Variants in DNAJC2 observed in about 807,000 individuals in gnomAD.
DNAJC2 encodes the protein DnaJ heat shock protein family (Hsp40) member C2.
DNAJC2 carries 32 observed loss-of-function variants against 94.0 expected under a neutral mutation model. That is an observed-to-expected ratio of 0.34 (90% CI 0.26 to 0.46). DNAJC2 has a LOEUF of 0.46. DNAJC2 is among the 20% of genes least tolerant of loss of function. The pLI, the probability that DNAJC2 is intolerant of heterozygous loss-of-function variation, is 1.00. For missense variants in DNAJC2, 550 were observed against 719.5 expected, an observed-to-expected ratio of 0.76 and a Z score of 2.69; for synonymous variants, 210 against 229.7, an observed-to-expected ratio of 0.91 and a Z score of 0.77.
chr7:103,339,745 G>GC (rs917806355), intron 2 of DNAJC2, among the ~76,000 whole-genome samples: 1 of 152,018 alleles, frequency 6.6e-6, no homozygotes, highest in African/African-American at 2.4e-5. Context: ...GGGATTATAA[G>GC]CATGTGCCAC....
chr7:103,327,547 A>G (rs1818770394), intron 4 of DNAJC2, 109 bp downstream of exon 4: 1 of 764,180 alleles, frequency 1.3e-6, no homozygotes, highest in Admixed American at 2.8e-5. Context: ...ATGTTTTAAA[A>G]TGTCAAAGGA....
At chr7:103,340,073 G>C (rs970610129) in intron 2 of DNAJC2, among the ~76,000 whole-genome samples, 10 of 152,144 alleles carry the variant, frequency 6.6e-5, no homozygotes, top group Admixed American at 5.9e-4. Flanking sequence ...CCTGACCTCG[G>C]GTGATCTGCC....
chr7:103,316,485 T>C, intron 13 of DNAJC2: 1 of 228,838 alleles, frequency 4.4e-6, no homozygotes, highest in Non-Finnish European at 8.4e-6. Flanking sequence ...AAGCTCCAGC[T>C]TGAGGTGGGA....
intron 3 of DNAJC2, among the ~76,000 whole-genome samples, chr7:103,334,936 C>T (rs949716666): frequency 1.1e-4 from 17 of 152,212 alleles, no homozygotes; most frequent in South Asian, 2.1e-4. Context: ...CAGTTTCAAG[C>T]GGTTCTCGTG....
At chr7:103,323,142 C>G (rs565345041) in intron 7 of DNAJC2, among the ~76,000 whole-genome samples, 29 of 152,266 alleles carry the variant, frequency 1.9e-4, no homozygotes, top group South Asian at 4.1e-4. Flanking sequence ...GTTGGCCAGG[C>G]TGGTCTCGCA....
chr7:103,323,793 T>C, intron 6 of DNAJC2, 130 bp from the exon 7 acceptor site: 1 of 695,738 alleles, frequency 1.4e-6, no homozygotes, highest in Non-Finnish European at 2.1e-6. Flanking sequence ...AGGTCAAGTC[T>C]TTCTCCTTTT....
chr7:103,321,529 TAAATAAAA>T (rs1563460664), intron 10 of DNAJC2, among the ~76,000 whole-genome samples: 1 of 149,648 alleles, frequency 6.7e-6, no homozygotes, highest in Non-Finnish European at 1.5e-5. Flanking sequence ...AATAAATAAA[TAAATAAAA>T]ATAATTTTTT....
chr7:103,317,164 C>T (rs1041669209), intron 12 of DNAJC2, 150 bp from the exon 13 acceptor site: 1 of 663,256 alleles, frequency 1.5e-6, no homozygotes, highest in African/African-American at 1.8e-5. Context: ...AAAGAAGCAC[C>T]AGCTTTTCAC....
chr7:103,319,910 C>A, intron 10 of DNAJC2, 66 bp from the exon 11 acceptor site: 2 of 1,542,028 alleles, frequency 1.3e-6, no homozygotes, highest in South Asian at 2.2e-5. Context: ...AATTACAAAG[C>A]TGTAATCCCA....
chr7:103,317,775 C>T (rs924858356), intron 12 of DNAJC2, among the ~76,000 whole-genome samples: 1 of 152,068 alleles, frequency 6.6e-6, no homozygotes, highest in Non-Finnish European at 1.5e-5. Context: ...CTCAGCCTCC[C>T]AAGTAGCTGG....
At chr7:103,324,642 A>T (rs1393233495) in intron 5 of DNAJC2, 80 bp from the exon 6 acceptor site, 2 of 1,200,194 alleles carry the variant, frequency 1.7e-6, no homozygotes, top group African/African-American at 3.2e-5. Context: ...ATTTATTAAA[A>T]ACAATAATTT....
chr7:103,324,394 CTGAA>C (rs1180657969), intron 6 of DNAJC2, 84 bp downstream of exon 6: 19 of 1,179,718 alleles, frequency 1.6e-5, no homozygotes, highest in Admixed American at 3.4e-5. Flanking sequence ...ATTTGTCCAT[CTGAA>C]TTAATTTATA....
intron 5 of DNAJC2, among the ~76,000 whole-genome samples, chr7:103,325,689 C>T (rs1031265804): frequency 6.6e-6 from 1 of 152,048 alleles, no homozygotes; most frequent in Non-Finnish European, 1.5e-5. Context: ...CCAAGATGTG[C>T]TTTAAGGGAA....
rs1253502285 is a variant in DNAJC2, at chr7:103,322,544, T to A, written c.900A>T (p.Glu300Asp). Residue 300 changes from glutamate (E) to aspartate (D), a missense_variant, in exon 9 of 17, where the codon GAA becomes GAT. Glu to Asp is a conservative substitution (Grantham distance 45, BLOSUM62 2). This residue lies in a region of DNAJC2 where 279 missense variants were observed against 416.9 expected (regional missense o/e 0.67). Coordinates refer to ENST00000379263, the MANE Select transcript of DNAJC2 (RefSeq NM_014377.3). The part of the protein sequence containing the change: ...KKEAEKKAKA[E>D]AKRKEQEAKE... ...TAGCTTCTTGCTCCTTCCGTTTAGC[T>A]TCTGCTTTTGCTTTCTTTTCTGCTT... is the stretch of plus-strand genomic sequence containing the variant. 2.6e-6 allele frequency: 4 copies of A among 1,555,502 alleles called. No homozygotes were observed. Among genetic ancestry groups the A allele is most frequent in the Non-Finnish European group, 3.5e-6 (4 of 1,135,976 alleles).
chr7:103,337,888 A>C, intron 2 of DNAJC2, 77 bp from the exon 3 acceptor site: 1 of 1,041,040 alleles, frequency 9.6e-7, no homozygotes, highest in East Asian at 2.4e-5. Flanking sequence ...TGGTACCTTA[A>C]TAAGCATTTC....
chr7:103,337,465 A>AGCTT (rs1370281192), intron 3 of DNAJC2: 1 of 314,346 alleles, frequency 3.2e-6, no homozygotes, highest in East Asian at 5.9e-5. Flanking sequence ...ATTTTTTAAA[A>AGCTT]GCTTGCCATT....
At position 103,322,087 on chromosome 7, in the gene DNAJC2, A is replaced by G. The variant is rs993295720; in HGVS notation, c.934-6T>C. 6 of 1,594,702 alleles carry G rather than the reference A, an allele frequency of 3.8e-6. No homozygotes were observed. The African/African-American group carries it at 4.1e-5, about 11-fold the overall frequency. On this transcript the variant is annotated splice_polypyrimidine_tract_variant and splice_region_variant and intron_variant, in intron 9 of 16. Transcript: ENST00000379263. ...TCTAATTCAGCTTGTCTTTGCTTTA[A>G]AAAAAGGGAGTAAAATCATTTTAAT...
rs1263206358 is a variant in DNAJC2, at chr7:103,312,290, T to G, written c.*279A>C. ...TGATTAAAATGCTCCTAATCAAGAT[T>G]GTTTGAACACATGTATTTATAAAAC... On this transcript the variant is annotated 3_prime_UTR_variant, in exon 17 of 17. Coordinates refer to ENST00000379263, the MANE Select transcript of DNAJC2 (RefSeq NM_014377.3). The G allele has an allele frequency of 1.2e-6, 2 of 1,607,716 alleles. No individual in the cohort carries two copies. The highest frequency in any genetic ancestry group is 1.7e-6 in the Non-Finnish European group (2 of 1,179,832).
chr7:103,328,221 T>A (rs934014397), intron 3 of DNAJC2, among the ~76,000 whole-genome samples: 8 of 151,964 alleles, frequency 5.3e-5, no homozygotes, highest in African/African-American at 1.9e-4. Context: ...TGAGCCCGGC[T>A]TGAAGTAATT....
Sources: allele counts gnomAD v4.1 joint callset (sites outside exome capture counted in the v4.1 genomes callset), GRCh38; gene constraint gnomAD v4.1.1; regional missense constraint gnomAD v4.1.1; transcripts MANE v1.5; gene names NCBI Gene and HGNC (gene_info 2026-07-23, HGNC 2026-07-21).